EXT1: variants seen among roughly 807,000 people sequenced by gnomAD.
EXT1 encodes the protein exostosin-1.
In EXT1, 20 loss-of-function variants were observed where a neutral mutation model predicts 82.5. The ratio of observed to expected loss-of-function variants is 0.24; its 90% confidence interval spans 0.17 to 0.35. The LOEUF is 0.35. Ranked by LOEUF, EXT1 falls within the 10% of genes least tolerant of loss-of-function variation. EXT1 has a pLI of 1.00. For synonymous variants in EXT1, 348 were observed against 350.8 expected, an observed-to-expected ratio of 0.99 and a Z score of 0.09; for missense variants, 757 against 936.5, an observed-to-expected ratio of 0.81 and a Z score of 2.50.
intron 1 of EXT1, among the ~76,000 whole-genome samples, chr8:117,904,098 G>C (rs1813500693): frequency 6.6e-6 from 1 of 152,208 alleles, no homozygotes; most frequent in Admixed American, 6.5e-5. Context: ...AGTTGCAACA[G>C]CTTCAAGCTA....
chr8:117,944,547 A>T (rs1055741768), intron 1 of EXT1, among the ~76,000 whole-genome samples: 5 of 152,230 alleles, frequency 3.3e-5, no homozygotes, highest in Non-Finnish European at 5.9e-5. Flanking sequence ...GAAAAAGCGA[A>T]CATTCTTATT....
intron 8 of EXT1, among the ~76,000 whole-genome samples, chr8:117,810,713 T>A (rs1230842243): frequency 6.6e-6 from 1 of 152,196 alleles, no homozygotes; most frequent in Non-Finnish European, 1.5e-5. Flanking sequence ...GGCGGTGTGC[T>A]GCTTTGCCTG....
chr8:117,984,333 C>T (rs566813509), intron 1 of EXT1, among the ~76,000 whole-genome samples: 7 of 151,852 alleles, frequency 4.6e-5, no homozygotes, highest in African/African-American at 4.8e-5. Context: ...GCAGGAGAAT[C>T]GCTTGAACCT....
In EXT1 at chr8:117,898,890, A is replaced by G. The variant is rs114677891; in HGVS notation, c.963-61689T>C. Among the ~76,000 whole-genome samples the G allele has an allele frequency of 2.6e-3, 398 of 152,278 alleles. 3 individuals carry two copies. Among genetic ancestry groups the G allele is most frequent in the African/African-American group, 8.8e-3 (364 of 41,562 alleles). On this transcript the variant is annotated intron_variant, in intron 1 of 10. Transcript: ENST00000378204. Reference sequence around the variant, plus strand: ...AATATGACTCCAATCAGGTCAGTAAATAGTCAGGAAACTACGGTTTTATCA... The same window carrying G: ...AATATGACTCCAATCAGGTCAGTAAGTAGTCAGGAAACTACGGTTTTATCA...
At position 118,111,546 on chromosome 8, in the gene EXT1, A is replaced by C. The variant is rs372210548; in HGVS notation, c.-500T>G. On this transcript the variant is annotated 5_prime_UTR_variant, in exon 1 of 11. Transcript: ENST00000378204. ...CAACAAGTCAGCCGATCCCGGGTTC[A>C]GCCGGCTAGTGCATCTTGCAGCTGG... 2.0e-4 allele frequency: 91 copies of C among 444,770 alleles called. 1 individual carries two copies. The East Asian group carries it at 2.4e-3, about 12-fold the overall frequency. 27.6% of individuals were successfully genotyped at this position (444,770 alleles called of 1,614,324 possible). A position where few individuals can be genotyped will look rare whatever the true frequency, so the allele number is the denominator to read the frequency against.
intron 1 of EXT1, among the ~76,000 whole-genome samples, chr8:117,906,832 G>C (rs961930884): frequency 6.6e-6 from 1 of 152,246 alleles, no homozygotes; most frequent in African/African-American, 2.4e-5. Context: ...TCAGATCTCA[G>C]AGCAGAAGGC....
chr8:117,906,813 G>A (rs1813552288), intron 1 of EXT1, among the ~76,000 whole-genome samples: 1 of 152,182 alleles, frequency 6.6e-6, no homozygotes, highest in African/African-American at 2.4e-5. Flanking sequence ...ATGGTGGCAT[G>A]AGCAGGTGTC....
intron 10 of EXT1, among the ~76,000 whole-genome samples, chr8:117,802,661 C>A (rs1278487839): frequency 6.6e-6 from 1 of 152,138 alleles, no homozygotes; most frequent in Non-Finnish European, 1.5e-5. Context: ...AATGTATCCT[C>A]ATTCTTAAGA....
At chr8:117,818,107 T>C (rs1461322385) in intron 7 of EXT1, among the ~76,000 whole-genome samples, 1 of 152,216 alleles carries the variant, frequency 6.6e-6, no homozygotes, top group Non-Finnish European at 1.5e-5. Context: ...AGATAACTAT[T>C]GCCAGCTCCT....
At chr8:118,037,835 T>G (rs577077056) in intron 1 of EXT1, among the ~76,000 whole-genome samples, 1 of 147,176 alleles carries the variant, frequency 6.8e-6, no homozygotes, top group South Asian at 2.1e-4. Flanking sequence ...GAGTGTTTTT[T>G]GTTTTTTTTT....
chr8:118,101,898 C>A (rs1413386189), intron 1 of EXT1, among the ~76,000 whole-genome samples: 2 of 146,760 alleles, frequency 1.4e-5, no homozygotes, highest in Admixed American at 6.8e-5. Flanking sequence ...AGACCCTAGT[C>A]AAGAAGAAAA....
At chr8:118,045,417 C>G (rs111463486) in intron 1 of EXT1, among the ~76,000 whole-genome samples, 1,536 of 152,198 alleles carry the variant, frequency 0.01, 23 homozygotes, top group Non-Finnish European at 0.013. Flanking sequence ...GTGGTGTGAG[C>G]CTTTCTTCAT....
At chr8:117,853,388 T>C (rs1812488305) in intron 1 of EXT1, among the ~76,000 whole-genome samples, 1 of 152,098 alleles carries the variant, frequency 6.6e-6, no homozygotes. Context: ...CTACTAAAAA[T>C]ATAAAAATTA....
At chr8:118,018,114 C>T (rs933240518) in intron 1 of EXT1, among the ~76,000 whole-genome samples, 2 of 152,170 alleles carry the variant, frequency 1.3e-5, no homozygotes, top group African/African-American at 2.4e-5. Flanking sequence ...GTGTATGTTA[C>T]TAGTTGAGCT....
Position 117,837,092 on chromosome 8 carries a change from C to T in EXT1, c.1056+16G>A. On this transcript the variant is annotated intron_variant, in intron 2 of 10. Coordinates refer to ENST00000378204, the MANE Select transcript of EXT1 (RefSeq NM_000127.3). Reference sequence around the variant, plus strand: ...GGTCCTCAGCCCTATTCTGGGAAGGCTCCAGGGCCTCTTACCTGCAAAGCC... The same window carrying T: ...GGTCCTCAGCCCTATTCTGGGAAGGTTCCAGGGCCTCTTACCTGCAAAGCC... 1 of 1,605,324 alleles carries T rather than the reference C, an allele frequency of 6.2e-7. No homozygotes were observed. The highest frequency in any genetic ancestry group is 2.2e-5 in the East Asian group (1 of 44,822).
chr8:117,914,599 A>G (rs1251788014), intron 1 of EXT1, among the ~76,000 whole-genome samples: 2 of 152,094 alleles, frequency 1.3e-5, no homozygotes. Flanking sequence ...TGGGAAAGGA[A>G]TGCATTCCTA....
At chr8:117,911,898 AAC>A (rs1446837789) in intron 1 of EXT1, among the ~76,000 whole-genome samples, 2 of 152,236 alleles carry the variant, frequency 1.3e-5, no homozygotes, top group Non-Finnish European at 2.9e-5. Flanking sequence ...ATTTTTAAAA[AAC>A]ACTGACACAA....
chr8:117,878,360 G>A (rs184120401), intron 1 of EXT1, among the ~76,000 whole-genome samples: 2 of 152,146 alleles, frequency 1.3e-5, no homozygotes. Flanking sequence ...TGATTATCCT[G>A]AGTATACACT....
chr8:117,809,545 G>C (rs1586991478), intron 8 of EXT1, among the ~76,000 whole-genome samples: 1 of 151,628 alleles, frequency 6.6e-6, no homozygotes, highest in African/African-American at 2.4e-5. Flanking sequence ...GCTGAGGCAC[G>C]AGAATTGCTT....
Sources: allele counts gnomAD v4.1 joint callset (sites outside exome capture counted in the v4.1 genomes callset), GRCh38; gene constraint gnomAD v4.1.1; transcripts MANE v1.5; gene names NCBI Gene and HGNC (gene_info 2026-07-23, HGNC 2026-07-21).